The following TLK1 variants were observed in gnomAD, a reference collection of about 807,000 sequenced individuals.
The protein encoded by TLK1 is tousled like kinase 1.
In TLK1, 24 loss-of-function variants were observed where a neutral mutation model predicts 105.3. That is an observed-to-expected ratio of 0.23 (90% CI 0.17 to 0.32). TLK1 has a LOEUF of 0.32. TLK1 is among the 10% of genes least tolerant of loss of function. The pLI is 1.00. For missense variants in TLK1, 558 were observed against 910.5 expected, an observed-to-expected ratio of 0.61 and a Z score of 4.98; for synonymous variants, 321 against 310.4, an observed-to-expected ratio of 1.03 and a Z score of -0.36.
chr2:171,144,514 A>C (rs970843146), intron 1 of TLK1, among the ~76,000 whole-genome samples: 1 of 152,224 alleles, frequency 6.6e-6, no homozygotes, highest in African/African-American at 2.4e-5. Context: ...ACTCAGTAAC[A>C]GAAAAAAAAT....
At chr2:171,154,848 G>C (rs973069843) in intron 1 of TLK1, among the ~76,000 whole-genome samples, 7 of 152,104 alleles carry the variant, frequency 4.6e-5, no homozygotes, top group African/African-American at 1.7e-4. Context: ...GTCTCAAGCT[G>C]GGTATTATTA....
intron 1 of TLK1, among the ~76,000 whole-genome samples, chr2:171,210,713 A>T (rs1443181300): frequency 6.6e-6 from 1 of 152,210 alleles, no homozygotes; most frequent in Admixed American, 6.5e-5. Flanking sequence ...ACATCCTTAT[A>T]TCTGAACCAC....
In TLK1 at chr2:171,006,473, C is replaced by A; in HGVS notation, c.1768+1G>T. On this transcript the variant is annotated splice_donor_variant, in intron 17 of 20. Transcript: ENST00000431350. LOFTEE classifies it high-confidence loss of function. ...AAAAATTAGACAAATTTCATAATTA[C>A]CTGGCTTAAGATCATAATGTATAAT... The A allele has an allele frequency of 6.4e-7, 1 of 1,562,906 alleles. No homozygotes were observed. The highest frequency in any genetic ancestry group is 2.0e-5 in the Admixed American group (1 of 48,828).
intron 1 of TLK1, among the ~76,000 whole-genome samples, chr2:171,214,029 T>C (rs574704582): frequency 6.6e-6 from 1 of 151,336 alleles, no homozygotes; most frequent in African/African-American, 2.4e-5. Context: ...GTGAATAGTT[T>C]TAGAAAATTT....
chr2:171,053,379 T>C (rs78535172), intron 8 of TLK1, among the ~76,000 whole-genome samples: 2 of 152,030 alleles, frequency 1.3e-5, no homozygotes, highest in Admixed American at 1.3e-4. Context: ...TTTTTTTTTT[T>C]CTGAGACAGA....
At chr2:171,193,108 A>C (rs77144483) in intron 1 of TLK1, among the ~76,000 whole-genome samples, 16,515 of 152,192 alleles carry the variant, frequency 0.11, 1,352 homozygotes, top group African/African-American at 0.23. Flanking sequence ...CTCTTTAAAA[A>C]CTTCTGCTCA....
At chr2:171,163,886 C>A (rs770652910), upstream of TLK1, among the ~76,000 whole-genome samples, 19 of 152,098 alleles carry the variant, frequency 1.2e-4, no homozygotes, top group Admixed American at 2.0e-4. Flanking sequence ...TCACAATGCC[C>A]GGCTAATTTT....
chr2:171,069,662 T>G (rs1301292532), intron 3 of TLK1, among the ~76,000 whole-genome samples: 3 of 152,208 alleles, frequency 2.0e-5, no homozygotes, highest in African/African-American at 7.2e-5. Flanking sequence ...TAAGAATCAT[T>G]TGTAGTTGGT....
At chr2:171,120,006 G>A (rs566434861) in intron 1 of TLK1, among the ~76,000 whole-genome samples, 1 of 152,212 alleles carries the variant, frequency 6.6e-6, no homozygotes, top group Admixed American at 6.5e-5. Context: ...CAGCACTTTG[G>A]GAGGCCAAGG....
intron 1 of TLK1, among the ~76,000 whole-genome samples, chr2:171,215,794 T>C (rs1277159424): frequency 6.6e-6 from 1 of 152,164 alleles, no homozygotes; most frequent in Non-Finnish European, 1.5e-5. Context: ...TCCTCGGAAG[T>C]TCGGTTCCTC....
chr2:171,192,357 C>A (rs1693170324), intron 1 of TLK1, among the ~76,000 whole-genome samples: 2 of 152,108 alleles, frequency 1.3e-5, no homozygotes, highest in Non-Finnish European at 1.5e-5. Context: ...CAAGTGGCAA[C>A]CCTCCAAAGG....
intron 2 of TLK1, among the ~76,000 whole-genome samples, chr2:171,104,614 A>C (rs113165348): frequency 6.6e-6 from 1 of 152,320 alleles, no homozygotes; most frequent in African/African-American, 2.4e-5. Flanking sequence ...CAGAGCTAAA[A>C]GAATAAAACT....
intron 17 of TLK1, 61 bp from the exon 18 acceptor site, chr2:171,006,343 CTT>C (rs1684653268): frequency 2.0e-6 from 3 of 1,493,580 alleles, no homozygotes; most frequent in African/African-American, 2.8e-5. Context: ...ACTTTAATAA[CTT>C]TTAATTTTAC....
At chr2:171,028,266 G>C (rs1180944430) in intron 12 of TLK1, 73 bp downstream of exon 12, 7 of 1,115,918 alleles carry the variant, frequency 6.3e-6, no homozygotes, top group Non-Finnish European at 9.5e-6. Context: ...TTTAAAATAA[G>C]TGACTTATAA....
At chr2:171,053,932 A>G in intron 7 of TLK1, 79 bp from the exon 8 acceptor site, 1 of 1,078,544 alleles carries the variant, frequency 9.3e-7, no homozygotes. Context: ...TTTACTCCAA[A>G]TTCAAAAGGT....
At chr2:171,199,987 A>G (rs562474972) in intron 1 of TLK1, among the ~76,000 whole-genome samples, 19 of 152,214 alleles carry the variant, frequency 1.2e-4, no homozygotes, top group Non-Finnish European at 2.4e-4. Flanking sequence ...ATAATGGCCA[A>G]TGACTCAAGA....
At chr2:171,042,712 TA>T (rs71399592) in intron 11 of TLK1, among the ~76,000 whole-genome samples, 1,514 of 137,746 alleles carry the variant, frequency 0.011, 24 homozygotes, top group African/African-American at 0.033. Context: ...AGAAACTGGT[TA>T]AAAAAAAAAA....
intron 12 of TLK1, among the ~76,000 whole-genome samples, chr2:171,026,781 C>T (rs1030530804): frequency 1.3e-5 from 2 of 152,076 alleles, no homozygotes; most frequent in African/African-American, 4.8e-5. Context: ...ATTCCCTTTT[C>T]GCTTCCATAG....
intron 1 of TLK1, among the ~76,000 whole-genome samples, chr2:171,170,249 T>C (rs1213348242): frequency 6.6e-6 from 1 of 152,172 alleles, no homozygotes; most frequent in African/African-American, 2.4e-5. Context: ...AAGCTTGTAA[T>C]AAATTAGAAA....
Sources: gnomAD v4.1 joint callset for allele counts (sites outside exome capture counted in the v4.1 genomes callset) on GRCh38, gnomAD v4.1.1 for gene constraint, MANE v1.5 for transcripts, NCBI Gene and HGNC (gene_info 2026-07-23, HGNC 2026-07-21) for gene names.